COL21A1: variants seen among roughly 807,000 people sequenced by gnomAD.
The protein encoded by COL21A1 is collagen type XXI alpha 1 chain, also known as collagen alpha-1(XXI) chain.
In COL21A1, 149 loss-of-function variants were observed where a neutral mutation model predicts 137.9. The ratio of observed to expected loss-of-function variants is 1.08; its 90% CI spans 0.95 to 1.24. The LOEUF (loss-of-function observed/expected upper bound fraction) is 1.24. Among genes scored for constraint, COL21A1 ranks in the 50% most tolerant of loss-of-function variants. COL21A1 has a pLI of 0.00. For synonymous variants in COL21A1, 456 were observed against 391.5 expected (o/e 1.16, Z -1.95); for missense variants, 1,167 against 1,158.4 (o/e 1.01, Z -0.11).
intron 17 of COL21A1, among the ~76,000 whole-genome samples, chr6:56,098,672 T>C (rs1181190635): frequency 1.0e-4 from 9 of 86,426 alleles, no homozygotes; most frequent in Non-Finnish European, 1.9e-4. Context: ...TATAAATATA[T>C]ATATAAATAT....
intron 1 of COL21A1, among the ~76,000 whole-genome samples, chr6:56,363,537 C>T (rs969254703): frequency 6.6e-6 from 1 of 152,182 alleles, no homozygotes; most frequent in African/African-American, 2.4e-5. Context: ...AGGTCAGTCA[C>T]CCTGTGGCAT....
chr6:56,266,754 G>A (rs543081912), intron 1 of COL21A1, among the ~76,000 whole-genome samples: 8 of 152,260 alleles, frequency 5.3e-5, no homozygotes, highest in African/African-American at 1.9e-4. Flanking sequence ...ATGAATAAAG[G>A]ATATTAAAGG....
chr6:56,277,410 G>C (rs896756326), intron 1 of COL21A1, among the ~76,000 whole-genome samples: 3 of 152,126 alleles, frequency 2.0e-5, no homozygotes, highest in Admixed American at 1.3e-4. Flanking sequence ...ATCTTTATGT[G>C]AGAAATTAAA....
At chr6:56,146,803 C>A (rs1774872949) in intron 10 of COL21A1, among the ~76,000 whole-genome samples, 1 of 152,088 alleles carries the variant, frequency 6.6e-6, no homozygotes, top group Admixed American at 6.6e-5. Context: ...TTACAAAGGA[C>A]TCAAAAACAT....
chr6:56,189,149 G>A (rs1445092842), intron 1 of COL21A1, among the ~76,000 whole-genome samples: 2 of 151,976 alleles, frequency 1.3e-5, no homozygotes, highest in African/African-American at 4.8e-5. Flanking sequence ...GCTTCAGAAG[G>A]TGGGTAATAA....
chr6:56,102,080 T>C lies in COL21A1; in HGVS notation c.1759-555A>G, dbSNP rs114000941. Among the ~76,000 whole-genome samples, 455 of 152,288 alleles carry C rather than the reference T, an allele frequency of 3.0e-3. 2 individuals carry two copies. Among genetic ancestry groups the C allele is most frequent in the Non-Finnish European group, 4.7e-3 (321 of 68,010 alleles). On this transcript the variant is annotated intron_variant, in intron 16 of 29. Coordinates refer to ENST00000244728, the MANE Select transcript of COL21A1 (RefSeq NM_030820.4). The stretch of plus-strand genomic sequence containing the variant: ...TAAATTATAATTGCTTTTAGTGATA[T>C]ATACCTTTACATTACTATGCTCAGG...
intron 1 of COL21A1, among the ~76,000 whole-genome samples, chr6:56,204,132 A>T (rs1779591062): frequency 6.6e-6 from 1 of 152,046 alleles, no homozygotes; most frequent in African/African-American, 2.4e-5. Context: ...CCAGCGAGAC[A>T]GAATCGTTCA....
chr6:56,163,034 T>C (rs1296491692), intron 9 of COL21A1, among the ~76,000 whole-genome samples: 1 of 152,242 alleles, frequency 6.6e-6, no homozygotes, highest in Non-Finnish European at 1.5e-5. Context: ...TTAAATTCCA[T>C]ATCTTTCTTT....
chr6:56,342,627 G>A (rs1168835843), intron 1 of COL21A1, among the ~76,000 whole-genome samples: 1 of 152,142 alleles, frequency 6.6e-6, no homozygotes, highest in East Asian at 1.9e-4. Flanking sequence ...TTTTTCAGAT[G>A]AGAAACACTC....
At chr6:56,147,337 A>G (rs1168239949) in intron 10 of COL21A1, among the ~76,000 whole-genome samples, 1 of 151,378 alleles carries the variant, frequency 6.6e-6, no homozygotes, top group Non-Finnish European at 1.5e-5. Context: ...TGAGCTTCAA[A>G]ATGACAAGGT....
chr6:56,263,225 GT>G (rs1475345063), intron 1 of COL21A1, among the ~76,000 whole-genome samples: 1 of 152,172 alleles, frequency 6.6e-6, no homozygotes, highest in Non-Finnish European at 1.5e-5. Flanking sequence ...CAATGAATAA[GT>G]TTTAAATCAG....
At chr6:56,260,419 C>T (rs1359824727) in intron 1 of COL21A1, among the ~76,000 whole-genome samples, 4 of 151,432 alleles carry the variant, frequency 2.6e-5, no homozygotes, top group African/African-American at 9.7e-5. Context: ...ATAAAAAATA[C>T]AAAAATTAGC....
At chr6:56,243,786 C>T (rs1361481245) in intron 1 of COL21A1, among the ~76,000 whole-genome samples, 1 of 152,146 alleles carries the variant, frequency 6.6e-6, no homozygotes. Flanking sequence ...GGATTCAGGG[C>T]TAGGCAGTCT....
At chr6:56,111,592 G>T (rs1417126344) in intron 16 of COL21A1, among the ~76,000 whole-genome samples, 1 of 152,030 alleles carries the variant, frequency 6.6e-6, no homozygotes, top group Admixed American at 6.6e-5. Flanking sequence ...GGCCAGGCAT[G>T]GTGGCTCATG....
intron 1 of COL21A1, among the ~76,000 whole-genome samples, chr6:56,359,467 T>A (rs1298892960): frequency 6.6e-6 from 1 of 152,208 alleles, no homozygotes; most frequent in African/African-American, 2.4e-5. Flanking sequence ...GTTCCCTGAA[T>A]CAGATCATGG....
In COL21A1 at chr6:56,380,102, T is replaced by C. The variant is rs559459285; in HGVS notation, c.-39+13869A>G. On this transcript the variant is annotated intron_variant, in intron 1 of 28. Transcript: ENST00000370819. ...GAATGGCTTGATGCCATCCCCTTGG[T>C]GATGAATTGGTGCAACCCCCTCTAG... Among the ~76,000 whole-genome samples the C allele has an allele frequency of 7.9e-5, 12 of 152,270 alleles. No homozygotes were observed. The East Asian group carries it at 1.5e-3, about 20-fold the overall frequency.
chr6:56,379,768 C>A (rs2094005770), intron 1 of COL21A1, among the ~76,000 whole-genome samples: 1 of 152,084 alleles, frequency 6.6e-6, no homozygotes, highest in Non-Finnish European at 1.5e-5. Context: ...TATGAGAGTG[C>A]CTATTTCCTC....
intron 17 of COL21A1, among the ~76,000 whole-genome samples, chr6:56,083,547 G>A (rs909344048): frequency 8.6e-5 from 13 of 151,908 alleles, no homozygotes; most frequent in Non-Finnish European, 1.3e-4. Flanking sequence ...AAAGTACCAG[G>A]TTCCAGGGAT....
intron 1 of COL21A1, among the ~76,000 whole-genome samples, chr6:56,379,284 A>G: frequency 6.6e-6 from 1 of 152,242 alleles, no homozygotes; most frequent in East Asian, 1.9e-4. Flanking sequence ...GACCTTTCAG[A>G]CACAGAACCC....
Sources: gnomAD v4.1 joint callset for allele counts (sites outside exome capture counted in the v4.1 genomes callset) on GRCh38, gnomAD v4.1.1 for gene constraint, MANE v1.5 for transcripts, NCBI Gene and HGNC (gene_info 2026-07-23, HGNC 2026-07-21) for gene names.